The following TEAD1 variants were observed in gnomAD, a reference collection of about 807,000 sequenced individuals.
The protein encoded by TEAD1 is transcriptional enhancer factor TEF-1.
A neutral mutation model predicts 54.9 loss-of-function variants in TEAD1; 9 were observed. The observed-to-expected ratio is 0.16, with a 90% CI of 0.10 to 0.29. The LOEUF is 0.29. Among genes scored for constraint, TEAD1 ranks in the 10% least tolerant of loss-of-function variants. TEAD1 has a pLI of 1.00. For missense variants in TEAD1, 387 were observed against 535.9 expected (o/e 0.72, Z 2.74); for synonymous variants, 200 against 187.8 (o/e 1.07, Z -0.53).
At chr11:12,862,986 T>A (rs1215283793) in intron 4 of TEAD1, among the ~76,000 whole-genome samples, 1 of 150,986 alleles carries the variant, frequency 6.6e-6, no homozygotes, top group Non-Finnish European at 1.5e-5. Context: ...CTGGAACGAA[T>A]GAGAAATTAG....
chr11:12,896,278 A>C (rs1286689736), intron 9 of TEAD1, among the ~76,000 whole-genome samples: 1 of 152,206 alleles, frequency 6.6e-6, no homozygotes, highest in Non-Finnish European at 1.5e-5. Context: ...TCTTGGTGAC[A>C]TCCTTCCAGG....
chr11:12,797,960 A>G (rs1023869561), intron 3 of TEAD1, among the ~76,000 whole-genome samples: 2 of 152,054 alleles, frequency 1.3e-5, no homozygotes, highest in African/African-American at 2.4e-5. Flanking sequence ...TCATTATCCA[A>G]ACTCTTAATT....
chr11:12,868,692 T>G (rs1947676003), intron 5 of TEAD1, among the ~76,000 whole-genome samples: 1 of 152,252 alleles, frequency 6.6e-6, no homozygotes, highest in Non-Finnish European at 1.5e-5. Context: ...AGTCTAAGAT[T>G]TCTACGTAGA....
chr11:12,805,720 T>C (rs1946155760), intron 3 of TEAD1, among the ~76,000 whole-genome samples: 1 of 152,234 alleles, frequency 6.6e-6, no homozygotes, highest in Admixed American at 6.5e-5. Context: ...TGTCTGTGTC[T>C]ACAGAATCAT....
chr11:12,757,949 T>C (rs1945017756), intron 2 of TEAD1, among the ~76,000 whole-genome samples: 1 of 151,990 alleles, frequency 6.6e-6, no homozygotes, highest in African/African-American at 2.4e-5. Flanking sequence ...CTGACTAATT[T>C]TTGTATTTTT....
At chr11:12,817,676 G>T (rs1257431635) in intron 3 of TEAD1, among the ~76,000 whole-genome samples, 4 of 152,114 alleles carry the variant, frequency 2.6e-5, no homozygotes, top group African/African-American at 9.7e-5. Flanking sequence ...ATGTTAACGT[G>T]TTAATATTTC....
chr11:12,744,851 C>T (rs965464929), intron 2 of TEAD1, among the ~76,000 whole-genome samples: 1 of 152,134 alleles, frequency 6.6e-6, no homozygotes, highest in African/African-American at 2.4e-5. Context: ...TCAGCCTCCT[C>T]GCGTTGAGGC....
intron 2 of TEAD1, among the ~76,000 whole-genome samples, chr11:12,724,514 G>A (rs1944276396): frequency 6.6e-6 from 1 of 152,244 alleles, no homozygotes; most frequent in Admixed American, 6.5e-5. Flanking sequence ...CTGGCAAATT[G>A]ACAAGGAGTG....
At chr11:12,769,043 C>T (rs898837013) in intron 3 of TEAD1, among the ~76,000 whole-genome samples, 19 of 152,112 alleles carry the variant, frequency 1.2e-4, no homozygotes, top group Non-Finnish European at 2.1e-4. Flanking sequence ...CCCTAGGATC[C>T]TATAAGCAGT....
Position 12,924,996 on chromosome 11 carries a change from G to T in TEAD1, c.958G>T (p.Val320Phe). ...GTACGAGAGTTCTGAAAATATGACA[G>T]TCACCTGTTCCACCAAAGTTTGCTC... The change falls in exon 11 of 13, where the codon GTC (valine) becomes TTC (phenylalanine). Residue 320 changes from valine to phenylalanine, a missense_variant. By Grantham distance (50) the Val-to-Phe change is conservative. Coordinates refer to ENST00000527636, the MANE Select transcript of TEAD1 (RefSeq NM_021961.6). 2 of 1,614,208 alleles carry T rather than the reference G, an allele frequency of 1.2e-6. No homozygotes were observed. Among genetic ancestry groups the T allele is most frequent in the Non-Finnish European group, 1.7e-6 (2 of 1,180,040 alleles).
rs966763835 is a variant in TEAD1 at position 12,944,028 on chromosome 11, G to A, written c.*6806G>A. 2.0e-5 allele frequency: 3 copies of A among 152,478 alleles called. No individual in the cohort carries two copies. Among genetic ancestry groups the A allele is most frequent in the Non-Finnish European group, 4.4e-5 (3 of 68,012 alleles). 9.4% of individuals were successfully genotyped at this position (152,478 alleles called of 1,614,324 possible). On this transcript the variant is annotated 3_prime_UTR_variant, in exon 13 of 13. Transcript: ENST00000527636. ...AATACACTTAAATTTTATGTAAATC[G>A]GTTTTCGCCACGTGTGTTTGTTCAC...
At chr11:12,719,591 G>T (rs2133863424) in intron 2 of TEAD1, among the ~76,000 whole-genome samples, 1 of 139,566 alleles carries the variant, frequency 7.2e-6, no homozygotes, top group African/African-American at 2.6e-5. Flanking sequence ...AGGGGGGGCG[G>T]GGGGCTGTGT....
At chr11:12,835,197 C>T (rs1564957291) in intron 3 of TEAD1, among the ~76,000 whole-genome samples, 1 of 152,104 alleles carries the variant, frequency 6.6e-6, no homozygotes, top group African/African-American at 2.4e-5. Flanking sequence ...AGCAGCAGAT[C>T]GGCCACTGTG....
At chr11:12,837,720 C>CCTTCTT (rs1417083100) in intron 3 of TEAD1, among the ~76,000 whole-genome samples, 1 of 141,468 alleles carries the variant, frequency 7.1e-6, no homozygotes, top group African/African-American at 2.7e-5. Context: ...TTCTCCTTCT[C>CCTTCTT]CTTCTTCTTC....
At chr11:12,904,732 G>T (rs4757966) in intron 10 of TEAD1, 69,769 of 172,642 alleles carry the variant, frequency 0.4, 15,344 homozygotes, top group East Asian at 0.65. Context: ...TTTAAAATTT[G>T]CTCAGTTTTA....
chr11:12,835,810 G>A (rs1946877525), intron 3 of TEAD1, among the ~76,000 whole-genome samples: 1 of 152,172 alleles, frequency 6.6e-6, no homozygotes, highest in African/African-American at 2.4e-5. Context: ...AGTTTTATTT[G>A]AAAGCATTAA....
At chr11:12,789,908 G>T (rs1356400269) in intron 3 of TEAD1, among the ~76,000 whole-genome samples, 5 of 152,252 alleles carry the variant, frequency 3.3e-5, no homozygotes, top group African/African-American at 7.2e-5. Context: ...CCACCTTGGT[G>T]GGGGGCTGCT....
chr11:12,829,067 A>G (rs1946716887), intron 3 of TEAD1, among the ~76,000 whole-genome samples: 1 of 152,050 alleles, frequency 6.6e-6, no homozygotes. Context: ...CTTAAGAGCC[A>G]TCGGTTTGTT....
intron 2 of TEAD1, among the ~76,000 whole-genome samples, chr11:12,717,040 T>A (rs1217066911): frequency 6.6e-6 from 1 of 152,208 alleles, no homozygotes; most frequent in Non-Finnish European, 1.5e-5. Flanking sequence ...CATACCATAG[T>A]TTGCTGTACA....
Sources: allele counts gnomAD v4.1 joint callset (sites outside exome capture counted in the v4.1 genomes callset), GRCh38; gene constraint gnomAD v4.1.1; transcripts MANE v1.5; gene names NCBI Gene and HGNC (gene_info 2026-07-23, HGNC 2026-07-21).